ZBTB44: variants seen among roughly 807,000 people sequenced by gnomAD.
ZBTB44 encodes zinc finger and BTB domain-containing protein 44.
In ZBTB44, 15 loss-of-function variants were observed where a neutral mutation model predicts 54.0. The ratio of observed to expected loss-of-function variants is 0.28; its 90% CI spans 0.19 to 0.43. ZBTB44 has a LOEUF of 0.43. Among genes scored for constraint, ZBTB44 ranks in the 20% least tolerant of loss-of-function variants. The probability of loss-of-function intolerance (pLI) is 1.00; values close to 1 mark genes in which losing one functional copy is unlikely to be tolerated. For synonymous variants in ZBTB44, 230 were observed against 250.1 expected, an observed-to-expected ratio of 0.92 and a Z score of 0.76; for missense variants, 487 against 707.1, an observed-to-expected ratio of 0.69 and a Z score of 3.53.
intron 1 of ZBTB44, among the ~76,000 whole-genome samples, chr11:130,281,263 T>A (rs1007858539): frequency 3.3e-5 from 5 of 152,108 alleles, no homozygotes; most frequent in African/African-American, 1.2e-4. Flanking sequence ...CTCACGCCTG[T>A]AATCCCAGCA....
intron 2 of ZBTB44, among the ~76,000 whole-genome samples, chr11:130,253,150 A>AC (rs2136372993): frequency 6.6e-6 from 1 of 151,602 alleles, no homozygotes; most frequent in South Asian, 2.1e-4. Context: ...TTGAAAATTG[A>AC]CACAAGACAG....
At position 130,245,133 on chromosome 11, in the gene ZBTB44, A is replaced by G. The variant is rs193081553; in HGVS notation, c.1019-5237T>C. ...CTATGTGTGTTTACATTCATTCCCA[A>G]TTGCACCCCCATTCTTTCTGGTCTC... On this transcript the variant is annotated intron_variant, in intron 2 of 7. Transcript: ENST00000357899. Among the ~76,000 whole-genome samples, 8 of 152,242 alleles carry G rather than the reference A, an allele frequency of 5.3e-5. No individual in the cohort carries two copies. In the East Asian group the frequency reaches 1.5e-3, roughly 29 times the overall value.
chr11:130,240,685 T>C (rs1197499291), intron 2 of ZBTB44, among the ~76,000 whole-genome samples: 1 of 152,200 alleles, frequency 6.6e-6, no homozygotes, highest in African/African-American at 2.4e-5. Context: ...TCCCTGATCA[T>C]AAACCCCTCC....
intron 1 of ZBTB44, among the ~76,000 whole-genome samples, chr11:130,291,292 C>G (rs950981058): frequency 1.3e-5 from 2 of 152,154 alleles, no homozygotes; most frequent in African/African-American, 4.8e-5. Flanking sequence ...GCGCGTGCCA[C>G]CATACCCAGC....
chr11:130,246,487 T>C (rs1036846212), intron 2 of ZBTB44, among the ~76,000 whole-genome samples: 1 of 152,146 alleles, frequency 6.6e-6, no homozygotes, highest in Non-Finnish European at 1.5e-5. Flanking sequence ...ATCAGCTTTA[T>C]ATGGGTCAGG....
At chr11:130,233,035 C>A (rs1399350087) in intron 7 of ZBTB44, 2 of 349,202 alleles carry the variant, frequency 5.7e-6, no homozygotes, top group Non-Finnish European at 5.1e-6. Flanking sequence ...AAGAATGTAG[C>A]CTCAATAGAG....
chr11:130,294,532 T>C (rs918660271), intron 1 of ZBTB44, among the ~76,000 whole-genome samples: 5 of 96,338 alleles, frequency 5.2e-5, no homozygotes, highest in Admixed American at 1.6e-4. Context: ...CAAAGGTCTA[T>C]ATGACCAAAA....
In ZBTB44 at chr11:130,299,280, G is replaced by A. The variant is rs77349637; in HGVS notation, c.-57+15095C>T. ...CTTTCACCAAAACAGAAAAAAATAA[G>A]TAATAAAATATCAAGAAAGCCCTAA... On this transcript the variant is annotated intron_variant, in intron 1 of 7. Coordinates refer to ENST00000357899, the MANE Select transcript of ZBTB44 (RefSeq NM_001301098.2). Among the ~76,000 whole-genome samples, 192 of 152,124 alleles carry A rather than the reference G, an allele frequency of 1.3e-3. 6 individuals carry two copies. The highest frequency in any genetic ancestry group is 9.3e-3 in the Admixed American group (142 of 15,278).
At chr11:130,236,758 A>G (rs1326478301) in intron 5 of ZBTB44, 35 bp downstream of exon 5, 1 of 1,325,992 alleles carries the variant, frequency 7.5e-7, no homozygotes, top group African/African-American at 1.5e-5. Flanking sequence ...TTTAGAAAGC[A>G]GTTTTCCTGG....
rs757286125 is a variant in ZBTB44 at position 130,276,232 on chromosome 11, C to CAAAA, written c.-56-14307_-56-14304dup. 5.0e-4 allele frequency among the ~76,000 whole-genome samples: 16 copies of CAAAA among 31,732 alleles called. 1 individual carries two copies. The highest frequency in any genetic ancestry group is 1.7e-3 in the Admixed American group (3 of 1,722). 20.8% of individuals were successfully genotyped at this position (31,732 alleles called of 152,430 possible). ...CAAGAGTGAACGTGAAACTCTGTCT[C>CAAAA]AAAAAAAAAAAAAAGAAAAAAGAAA... On this transcript the variant is annotated intron_variant, in intron 1 of 7. Coordinates refer to ENST00000357899, the MANE Select transcript of ZBTB44 (RefSeq NM_001301098.2).
intron 5 of ZBTB44, 48 bp downstream of exon 5, chr11:130,236,745 G>GA: frequency 5.3e-6 from 7 of 1,332,488 alleles, no homozygotes; most frequent in Non-Finnish European, 6.7e-6. Context: ...CAGGAAAAGA[G>GA]AGTTTAGAAA....
chr11:130,296,191 AG>A, intron 1 of ZBTB44: 1 of 1,325,682 alleles, frequency 7.5e-7, no homozygotes, highest in Non-Finnish European at 1.1e-6. Context: ...CTCTGAAAAA[AG>A]GAGCCATTGT....
At chr11:130,267,835 G>A (rs1939368263) in intron 1 of ZBTB44, among the ~76,000 whole-genome samples, 1 of 148,502 alleles carries the variant, frequency 6.7e-6, no homozygotes, top group African/African-American at 2.5e-5. Context: ...ACTTTGGGAG[G>A]CCAGGGCAGG....
At chr11:130,271,769 T>C (rs748302996) in intron 1 of ZBTB44, among the ~76,000 whole-genome samples, 1 of 152,214 alleles carries the variant, frequency 6.6e-6, no homozygotes, top group African/African-American at 2.4e-5. Flanking sequence ...TTATGAATAA[T>C]GCTGCTATAA....
At position 130,264,327 on chromosome 11, in the gene ZBTB44, G is replaced by GA. The variant is rs1281319507; in HGVS notation, c.-56-2399dup. ...CCACAGCCAGCAAATGAAGAGAAGTGAAAGAAGAAAGTTGGGGAAGAGAGA... is the reference window on the plus strand; with the variant it reads ...CCACAGCCAGCAAATGAAGAGAAGTGAAAAGAAGAAAGTTGGGGAAGAGAGA... On this transcript the variant is annotated intron_variant, in intron 1 of 7. Coordinates refer to ENST00000357899, the MANE Select transcript of ZBTB44 (RefSeq NM_001301098.2). Among the ~76,000 whole-genome samples, 4 of 152,112 alleles carry GA rather than the reference G, an allele frequency of 2.6e-5. No homozygotes were observed. The East Asian group carries it at 7.7e-4, about 29-fold the overall frequency.
At chr11:130,287,864 C>T (rs1941057313) in intron 1 of ZBTB44, among the ~76,000 whole-genome samples, 1 of 150,278 alleles carries the variant, frequency 6.7e-6, no homozygotes, top group Non-Finnish European at 1.5e-5. Flanking sequence ...AAATATTTAC[C>T]GTATTATAAA....
At position 130,229,016 on chromosome 11, in the gene ZBTB44, T is replaced by C. The variant is rs1953782249; in HGVS notation, c.*2748A>G. 1 of 152,234 alleles carries C rather than the reference T, an allele frequency of 6.6e-6. No individual in the cohort carries two copies. The highest frequency in any genetic ancestry group is 6.5e-5 in the Admixed American group (1 of 15,282). The allele number at this position is 152,234 out of a possible 1,614,324, so 9.4% of individuals were successfully genotyped here. Reference sequence around the variant, plus strand: ...TACTCTTAAGTTCTCTGTAAACTATTATGCACACAGAAACCTTGGTATTAG... The same window carrying C: ...TACTCTTAAGTTCTCTGTAAACTATCATGCACACAGAAACCTTGGTATTAG... On this transcript the variant is annotated 3_prime_UTR_variant, in exon 8 of 8. Coordinates refer to ENST00000357899, the MANE Select transcript of ZBTB44 (RefSeq NM_001301098.2).
chr11:130,255,043 G>A (rs1362749511), intron 2 of ZBTB44, among the ~76,000 whole-genome samples: 2 of 139,478 alleles, frequency 1.4e-5, no homozygotes, highest in African/African-American at 2.7e-5. Flanking sequence ...TTGGACACAG[G>A]AAGGGGAACA....
intron 1 of ZBTB44, among the ~76,000 whole-genome samples, chr11:130,310,765 T>C (rs899102304): frequency 1.3e-5 from 2 of 152,190 alleles, no homozygotes; most frequent in East Asian, 1.9e-4. Context: ...GCTTTTGAGA[T>C]GGAGTCCCGC....
Sources: gnomAD v4.1 joint callset for allele counts (sites outside exome capture counted in the v4.1 genomes callset) on GRCh38, gnomAD v4.1.1 for gene constraint, MANE v1.5 for transcripts, NCBI Gene and HGNC (gene_info 2026-07-23, HGNC 2026-07-21) for gene names.